The following ANKDD1A variants were observed in gnomAD, a reference collection of about 807,000 sequenced individuals.
The protein encoded by ANKDD1A is ankyrin repeat and death domain containing 1A, also known as ankyrin repeat and death domain-containing protein 1A.
Under a neutral mutation model 63.5 loss-of-function variants are expected in ANKDD1A, and 59 were observed. The ratio of observed to expected loss-of-function variants is 0.93; its 90% CI spans 0.75 to 1.15. The LOEUF (loss-of-function observed/expected upper bound fraction) is 1.15, where lower values mean the gene tolerates loss of function less well. Ranked by LOEUF, ANKDD1A falls within the 50% of genes most tolerant of loss-of-function variation. The pLI is 0.00. For missense variants in ANKDD1A, 632 were observed against 656.4 expected, an observed-to-expected ratio of 0.96 and a Z score of 0.41; for synonymous variants, 266 against 263.9, an observed-to-expected ratio of 1.01 and a Z score of -0.08.
At chr15:64,933,802 A>AC (rs1340166533) in intron 8 of ANKDD1A, among the ~76,000 whole-genome samples, 145,460 of 152,022 alleles carry the variant, frequency 0.96, 69,938 homozygotes, top group East Asian at 1. Flanking sequence ...AGATTGTGCC[A>AC]TGTACTCCAG....
rs1431697267 is a variant in ANKDD1A, at chr15:64,951,333, TTTCTTTCTTCTTTCCTC to T, written c.1483+1374_1483+1390del. ...TTCTTCTTCTTTCTTCTTTCCTCTTTTTCTTTCTTCTTTCCTCTTCTTTCTTCTTCCTCTTTCTTCTT... is the reference window on the plus strand; with the variant it reads ...TTCTTCTTCTTTCTTCTTTCCTCTTTTTCTTTCTTCTTCCTCTTTCTTCTT... On this transcript the variant is annotated intron_variant, in intron 14 of 14. Transcript: ENST00000319580. The T allele has an allele frequency of 6.9e-5, 46 of 667,480 alleles. No homozygotes were observed. The African/African-American group carries it at 1.9e-3, about 27-fold the overall frequency. 41.3% of individuals were successfully genotyped at this position (667,480 alleles called of 1,614,324 possible).
At chr15:64,934,262 G>T in intron 9 of ANKDD1A, 28 bp downstream of exon 9, 5 of 1,592,542 alleles carry the variant, frequency 3.1e-6, no homozygotes, top group Non-Finnish European at 2.6e-6. Flanking sequence ...GTTGAAGGGG[G>T]TCTCCATTGC....
At position 64,950,808 on chromosome 15, in the gene ANKDD1A, G is replaced by A. The variant is rs535373673; in HGVS notation, c.1483+836G>A. On this transcript the variant is annotated intron_variant, in intron 14 of 14. Coordinates refer to ENST00000319580, the MANE Select transcript of ANKDD1A (RefSeq NM_182703.6). ...ACTCATTTCAGGGTAGAGAGATTAG[G>A]GACGCTACCTTTCTTTCCCCAAAAT... is the stretch of plus-strand genomic sequence containing the variant. The A allele has an allele frequency of 1.1e-5, 11 of 1,047,304 alleles. No homozygotes were observed. In the South Asian group the frequency reaches 2.5e-4, roughly 24 times the overall value. 64.9% of individuals were successfully genotyped at this position (1,047,304 alleles called of 1,614,324 possible).
chr15:64,952,602 T>G (rs370871108), intron 14 of ANKDD1A, among the ~76,000 whole-genome samples: 17 of 144,946 alleles, frequency 1.2e-4, no homozygotes, highest in East Asian at 4.2e-4. Context: ...TTCCTTCGTC[T>G]TCTTCTTCCT....
intron 14 of ANKDD1A, among the ~76,000 whole-genome samples, chr15:64,952,322 TTCC>T (rs1478448372): frequency 1.1e-5 from 1 of 87,430 alleles, no homozygotes; most frequent in Non-Finnish European, 2.5e-5. Context: ...TTTTTCTTTC[TTCC>T]TTCTTCCTTC....
chr15:64,951,328 CTCTT>C (rs1336915470), intron 14 of ANKDD1A: 9 of 693,444 alleles, frequency 1.3e-5, no homozygotes, highest in South Asian at 7.0e-5. Context: ...TTCTTCTTTC[CTCTT>C]TTTCTTTCTT....
chr15:64,932,065 TG>T (rs2085095679), intron 8 of ANKDD1A: 1 of 162,918 alleles, frequency 6.1e-6, no homozygotes, highest in Non-Finnish European at 1.3e-5. Context: ...GGCTCATTTT[TG>T]TATTTTTTGG....
At chr15:64,953,299 TTC>T (rs1195929193) in intron 14 of ANKDD1A, among the ~76,000 whole-genome samples, 6 of 150,484 alleles carry the variant, frequency 4.0e-5, no homozygotes, top group African/African-American at 9.8e-5. Flanking sequence ...TTCTTTCTTC[TTC>T]TTTTACTTTT....
intron 4 of ANKDD1A, among the ~76,000 whole-genome samples, chr15:64,924,922 A>G (rs2085034292): frequency 6.6e-6 from 1 of 152,144 alleles, no homozygotes; most frequent in Admixed American, 6.6e-5. Flanking sequence ...GGTCCATGAT[A>G]CCAACATGAA....
chr15:64,945,462 A>T (rs763993819), intron 12 of ANKDD1A, among the ~76,000 whole-genome samples: 11 of 151,634 alleles, frequency 7.3e-5, no homozygotes, highest in Non-Finnish European at 1.5e-4. Flanking sequence ...ATGACATGAG[A>T]TATTCAGCAC....
At chr15:64,932,933 A>T (rs1158558663) in intron 8 of ANKDD1A, among the ~76,000 whole-genome samples, 2 of 134,298 alleles carry the variant, frequency 1.5e-5, no homozygotes, top group Non-Finnish European at 3.2e-5. Context: ...TGGGTGACAG[A>T]TTGAGACCCT....
At chr15:64,924,425 G>A (rs1449114219) in intron 4 of ANKDD1A, among the ~76,000 whole-genome samples, 3 of 152,196 alleles carry the variant, frequency 2.0e-5, no homozygotes, top group African/African-American at 7.2e-5. Flanking sequence ...TGCTTCCAAG[G>A]GCAGGAGGAA....
chr15:64,957,459 T>TTCTA lies in ANKDD1A; in HGVS notation c.*275_*278dup, dbSNP rs1303886243. The TTCTA allele has an allele frequency of 7.4e-4, 91 of 122,802 alleles. No homozygotes were observed. The highest frequency in any genetic ancestry group is 1.4e-3 in the Non-Finnish European group (76 of 53,862). The allele number at this position is 122,802 out of a possible 1,614,324, so 7.6% of individuals were successfully genotyped here. A position where few individuals can be genotyped will look rare whatever the true frequency, so the allele number is the denominator to read the frequency against. ...AAAAATTATTTTCAGTTTTCCAAAA[T>TTCTA]TCTATCTTTAAACCTAAATAATTCA... On this transcript the variant is annotated 3_prime_UTR_variant, in exon 15 of 15. Transcript: ENST00000319580.
At chr15:64,940,407 GATAGATAGATAGATAGATAGATAGATAT>G (rs1406587376) in intron 9 of ANKDD1A, among the ~76,000 whole-genome samples, 3 of 117,834 alleles carry the variant, frequency 2.5e-5, no homozygotes, top group African/African-American at 8.6e-5. Flanking sequence ...TAGATAGATA[GATAGATAGATAGATAGATAGATAGATAT>G]ATAGATATTT....
intron 13 of ANKDD1A, among the ~76,000 whole-genome samples, chr15:64,948,988 T>TTAATAAATGGTGTTGAGAC (rs2085247280): frequency 1.3e-5 from 2 of 152,036 alleles, no homozygotes; most frequent in South Asian, 4.2e-4. Context: ...GCAGAGATAG[T>TTAATAAATGGTGTTGAGAC]TAATAAATGG....
intron 14 of ANKDD1A, among the ~76,000 whole-genome samples, chr15:64,954,295 CTT>C (rs1317554931): frequency 5.3e-4 from 15 of 28,336 alleles, no homozygotes; most frequent in Admixed American, 3.4e-3. Flanking sequence ...CTTAGTTCTC[CTT>C]TTCTTCTCCT....
At chr15:64,913,961 C>CATA (rs776916756) in intron 1 of ANKDD1A, 2 of 151,530 alleles carry the variant, frequency 1.3e-5, no homozygotes, top group Admixed American at 1.3e-4. Flanking sequence ...TGGTGTCACT[C>CATA]ATACAAGCAG....
rs769004133 is a variant in ANKDD1A, at chr15:64,952,133, TCTTC to T, written c.1483+2165_1483+2168del. Among the ~76,000 whole-genome samples the T allele has an allele frequency of 1.8e-3, 266 of 148,390 alleles. 1 individual carries two copies. The highest frequency in any genetic ancestry group is 3.3e-3 in the Non-Finnish European group (224 of 67,386). On this transcript the variant is annotated intron_variant, in intron 14 of 14. Coordinates refer to ENST00000319580, the MANE Select transcript of ANKDD1A (RefSeq NM_182703.6). ...TCTTCTTCTTTCTTCTCTTTCTTCT[TCTTC>T]CTTATTCTTCTTCCTCTTTCTTCAT...
chr15:64,952,034 T>G (rs1342660390), intron 14 of ANKDD1A, among the ~76,000 whole-genome samples: 1 of 149,928 alleles, frequency 6.7e-6, no homozygotes, highest in African/African-American at 2.4e-5. Flanking sequence ...TTTTTCTTCT[T>G]CTTTCCTCTT....
Sources: gnomAD v4.1 joint callset for allele counts (sites outside exome capture counted in the v4.1 genomes callset) on GRCh38, gnomAD v4.1.1 for gene constraint, MANE v1.5 for transcripts, NCBI Gene and HGNC (gene_info 2026-07-23, HGNC 2026-07-21) for gene names.